SMAP1: variants seen among roughly 807,000 people sequenced by gnomAD.
SMAP1 encodes the protein small ArfGAP 1.
A neutral mutation model predicts 58.5 loss-of-function variants in SMAP1; 24 were observed. The observed-to-expected ratio is 0.41, with a 90% CI of 0.30 to 0.58. The LOEUF (loss-of-function observed/expected upper bound fraction) is 0.58, where lower values mean the gene tolerates loss of function less well. Among genes scored for constraint, SMAP1 ranks in the 20% least tolerant of loss-of-function variants. SMAP1 has a pLI of 0.29. For missense variants in SMAP1, 563 were observed against 566.3 expected (o/e 0.99, Z 0.06); for synonymous variants, 216 against 196.6 (o/e 1.10, Z -0.82).
chr6:70,811,180 A>G (rs1475511880), intron 6 of SMAP1, among the ~76,000 whole-genome samples: 2 of 152,182 alleles, frequency 1.3e-5, no homozygotes, highest in Admixed American at 1.3e-4. Flanking sequence ...CTAGATGTCT[A>G]ACTACTCTGT....
intron 1 of SMAP1, among the ~76,000 whole-genome samples, chr6:70,719,102 A>G (rs1411786239): frequency 1.3e-5 from 2 of 152,202 alleles, no homozygotes; most frequent in East Asian, 3.9e-4. Context: ...TAACAGTAGC[A>G]GGTGAAATTA....
intron 1 of SMAP1, among the ~76,000 whole-genome samples, chr6:70,706,728 T>G (rs1339103520): frequency 6.6e-6 from 1 of 152,222 alleles, no homozygotes; most frequent in African/African-American, 2.4e-5. Context: ...GCGCTCTCTA[T>G]TAATCCAAAT....
chr6:70,774,257 T>TA (rs1195959322), intron 4 of SMAP1, among the ~76,000 whole-genome samples: 5 of 152,224 alleles, frequency 3.3e-5, no homozygotes. Context: ...ACAGGACTGT[T>TA]ATGTTTTATC....
At chr6:70,668,374 C>T (rs1438464103) in intron 1 of SMAP1, among the ~76,000 whole-genome samples, 2 of 152,220 alleles carry the variant, frequency 1.3e-5, no homozygotes, top group African/African-American at 4.8e-5. Flanking sequence ...CCAGCCTCCC[C>T]TCCTCCCAGA....
intron 1 of SMAP1, among the ~76,000 whole-genome samples, chr6:70,725,518 A>G (rs1316765667): frequency 6.6e-6 from 1 of 152,156 alleles, no homozygotes; most frequent in Non-Finnish European, 1.5e-5. Flanking sequence ...TGCGTAAAGA[A>G]CAAAGGGCCT....
At chr6:70,767,531 C>T (rs529998098) in intron 3 of SMAP1, among the ~76,000 whole-genome samples, 38 of 152,170 alleles carry the variant, frequency 2.5e-4, no homozygotes, top group African/African-American at 8.9e-4. Flanking sequence ...GGAGTTCACT[C>T]ATGATTTGGC....
In SMAP1 at chr6:70,786,636, C is replaced by G. The variant is rs140296882; in HGVS notation, c.415-5053C>G. Among the ~76,000 whole-genome samples the G allele has an allele frequency of 3.7e-3, 562 of 152,198 alleles. 6 individuals carry two copies. The highest frequency in any genetic ancestry group is 0.013 in the African/African-American group (526 of 41,484). ...GGATACAAAATCAGTGTACAAAAAT[C>G]ACAAGCATTCTTATACATCAATAAC... On this transcript the variant is annotated intron_variant, in intron 4 of 10. Coordinates refer to ENST00000370455, the MANE Select transcript of SMAP1 (RefSeq NM_001044305.3).
intron 1 of SMAP1, among the ~76,000 whole-genome samples, chr6:70,697,142 A>T (rs1021621744): frequency 1.7e-4 from 26 of 152,132 alleles, no homozygotes; most frequent in African/African-American, 6.0e-4. Flanking sequence ...TGTTTCTTGT[A>T]GGTAACAGTT....
At position 70,860,939 on chromosome 6, in the gene SMAP1, A is replaced by T. The variant is rs1251237858; in HGVS notation, c.*605A>T. 2 of 368,240 alleles carry T rather than the reference A, an allele frequency of 5.4e-6. No homozygotes were observed. Among genetic ancestry groups the T allele is most frequent in the Non-Finnish European group, 4.8e-6 (1 of 206,810 alleles). 22.8% of individuals were successfully genotyped at this position (368,240 alleles called of 1,614,324 possible). On this transcript the variant is annotated 3_prime_UTR_variant, in exon 11 of 11. Transcript: ENST00000370455. ...TTTAATGAATGCTTAAAGAATTCAAATTTTATCTGCCTCTCTTGTAATTTG... is the reference window on the plus strand; with the variant it reads ...TTTAATGAATGCTTAAAGAATTCAATTTTTATCTGCCTCTCTTGTAATTTG...
intron 7 of SMAP1, among the ~76,000 whole-genome samples, chr6:70,850,093 G>A (rs116930473): frequency 0.023 from 3,566 of 152,266 alleles, 51 homozygotes; most frequent in Non-Finnish European, 0.037. Flanking sequence ...GAAAGTATAA[G>A]TAAATATTCT....
chr6:70,698,092 G>T (rs1485467034), intron 1 of SMAP1, among the ~76,000 whole-genome samples: 3 of 152,112 alleles, frequency 2.0e-5, no homozygotes, highest in Non-Finnish European at 2.9e-5. Context: ...GGACATGTCT[G>T]GTGTTGATGA....
intron 1 of SMAP1, among the ~76,000 whole-genome samples, chr6:70,695,300 A>C (rs564409278): frequency 2.2e-4 from 33 of 152,210 alleles, no homozygotes; most frequent in African/African-American, 7.7e-4. Context: ...CTCTAGCTAG[A>C]CATTGTTTGA....
At chr6:70,721,610 C>G (rs964817314) in intron 1 of SMAP1, among the ~76,000 whole-genome samples, 3 of 152,140 alleles carry the variant, frequency 2.0e-5, no homozygotes, top group Non-Finnish European at 4.4e-5. Context: ...CCCCACTCTC[C>G]TGGTACCAAT....
intron 6 of SMAP1, among the ~76,000 whole-genome samples, chr6:70,816,325 C>G (rs1389699479): frequency 6.6e-6 from 1 of 151,964 alleles, no homozygotes; most frequent in Non-Finnish European, 1.5e-5. Context: ...TGGATTGTTT[C>G]TGATTTTGAG....
intron 1 of SMAP1, among the ~76,000 whole-genome samples, chr6:70,692,766 C>A (rs1448966435): frequency 1.3e-5 from 2 of 151,986 alleles, no homozygotes; most frequent in Admixed American, 6.6e-5. Flanking sequence ...TATTCGATTC[C>A]ATTTGTCTAT....
chr6:70,705,069 A>G (rs1025881605), intron 1 of SMAP1, among the ~76,000 whole-genome samples: 3 of 152,302 alleles, frequency 2.0e-5, no homozygotes, highest in South Asian at 2.1e-4. Flanking sequence ...CTTGGCATAT[A>G]GTAAGCATTA....
chr6:70,679,458 G>A (rs570127378), intron 1 of SMAP1, among the ~76,000 whole-genome samples: 23 of 152,142 alleles, frequency 1.5e-4, no homozygotes, highest in Non-Finnish European at 2.8e-4. Flanking sequence ...CAATCTCTTT[G>A]CAATGGGATC....
intron 1 of SMAP1, among the ~76,000 whole-genome samples, chr6:70,697,821 C>T (rs1767472101): frequency 6.6e-6 from 1 of 152,136 alleles, no homozygotes; most frequent in Non-Finnish European, 1.5e-5. Flanking sequence ...AACTTCATCC[C>T]CCACACTTCT....
intron 1 of SMAP1, among the ~76,000 whole-genome samples, chr6:70,675,421 T>C (rs1480009309): frequency 3.3e-5 from 5 of 151,376 alleles, no homozygotes; most frequent in Admixed American, 6.6e-5. Flanking sequence ...GAGGCCGAGG[T>C]GGGTGGATCA....
Sources: gnomAD v4.1 joint callset for allele counts (sites outside exome capture counted in the v4.1 genomes callset) on GRCh38, gnomAD v4.1.1 for gene constraint, MANE v1.5 for transcripts, NCBI Gene and HGNC (gene_info 2026-07-23, HGNC 2026-07-21) for gene names.